MICA: variants seen among roughly 807,000 people sequenced by gnomAD.
MICA encodes the protein HLA class I antigen.
A neutral mutation model predicts 34.3 loss-of-function variants in MICA; 18 were observed. The observed-to-expected ratio is 0.52, with a 90% confidence interval of 0.36 to 0.78. MICA has a LOEUF of 0.78. MICA is among the 30% of genes least tolerant of loss of function. The pLI, the probability that MICA is intolerant of heterozygous loss-of-function variation, is 0.00. For synonymous variants in MICA, 135 were observed against 156.9 expected, an observed-to-expected ratio of 0.86 and a Z score of 1.04; for missense variants, 333 against 409.4, an observed-to-expected ratio of 0.81 and a Z score of 1.61.
At chr6:31,401,654 C>A (rs1770435841), upstream of MICA, among the ~76,000 whole-genome samples, 1 of 98,100 alleles carries the variant, frequency 1.0e-5, no homozygotes, top group African/African-American at 5.1e-5. Context: ...AGCAAGACTC[C>A]TCTCTTAAAA....
At chr6:31,412,557 G>A (rs1771258574) in intron 5 of MICA, 97 bp downstream of exon 5, 3 of 807,866 alleles carry the variant, frequency 3.7e-6, no homozygotes, top group African/African-American at 1.8e-5. Flanking sequence ...TTGGTGACAA[G>A]GCTTCCATAA....
chr6:31,408,807 C>G (rs1405860680), intron 1 of MICA, among the ~76,000 whole-genome samples: 1 of 151,742 alleles, frequency 6.6e-6, no homozygotes, highest in African/African-American at 2.4e-5. Flanking sequence ...AGTTCGAAAC[C>G]AGCCTGGCCA....
chr6:31,404,887 C>T (rs2523450), intron 1 of MICA, among the ~76,000 whole-genome samples: 15,422 of 151,346 alleles, frequency 0.1, 1,191 homozygotes, highest in African/African-American at 0.16. Context: ...GGTGCTGGAC[C>T]ATCCCTCCCT....
At chr6:31,412,564 A>G (rs2853971) in intron 5 of MICA, 104 bp downstream of exon 5, 652,282 of 745,524 alleles carry the variant, frequency 0.87, 286,496 homozygotes, top group East Asian at 0.96. Context: ...CAAGGCTTCC[A>G]TAACAGGGGA....
At chr6:31,409,686 T>C (rs1249230431) in intron 1 of MICA, among the ~76,000 whole-genome samples, 3 of 151,904 alleles carry the variant, frequency 2.0e-5, no homozygotes, top group Non-Finnish European at 4.4e-5. Flanking sequence ...CACTGTCAAA[T>C]CCTATGTCAT....
At chr6:31,401,390 G>A (rs1198048313), upstream of MICA, among the ~76,000 whole-genome samples, 11 of 151,778 alleles carry the variant, frequency 7.2e-5, no homozygotes, top group Non-Finnish European at 1.3e-4. Flanking sequence ...TAGGGATCAT[G>A]GGGGAATAGT....
chr6:31,407,924 C>A (rs879463662), intron 1 of MICA, among the ~76,000 whole-genome samples: 1 of 151,836 alleles, frequency 6.6e-6, no homozygotes, highest in South Asian at 2.1e-4. Context: ...TTGTCTTATT[C>A]CAGATCTTAG....
rs779505758 is a variant in MICA at position 31,411,176 on chromosome 6, A to C, written c.430A>C (p.Asn144His). ...CGATGGGGAGCTCTTCCTCTCCCAA[A>C]ACCTGGAGACTGAGGAATGGACAGT... ...YYDGELFLSQNLETEEWTVPQ... is the reference protein window; with the variant it reads ...YYDGELFLSQHLETEEWTVPQ... The change falls in exon 3 of 6, where the codon AAC becomes CAC. Residue 144 changes from asparagine to histidine, a missense_variant. Asn to His is a moderately conservative substitution (Grantham distance 68). Coordinates refer to ENST00000449934, the MANE Select transcript of MICA (RefSeq NM_001177519.3). The surrounding 1 kb of genome is among the most constrained non-coding windows in gnomAD (Gnocchi z 4.3). 6.2e-7 allele frequency: 1 copy of C among 1,613,318 alleles called. No homozygotes were observed. The highest frequency in any genetic ancestry group is 2.2e-5 in the East Asian group (1 of 44,828).
At position 31,403,737 on chromosome 6, in the gene MICA, G is replaced by A; in HGVS notation, c.70+35G>A. ...GTTCCTGGCGGTCCTCGGCGGAGCGGGAGCAGTGGGACGTTTCCGGGGGTC... is the reference window on the plus strand; with the variant it reads ...GTTCCTGGCGGTCCTCGGCGGAGCGAGAGCAGTGGGACGTTTCCGGGGGTC... On this transcript the variant is annotated intron_variant, in intron 1 of 5. Transcript: ENST00000449934. This position sits in a 1 kb window ranked among gnomAD's most constrained non-coding sequence, Gnocchi z 4.7. 2.0e-6 allele frequency: 3 copies of A among 1,521,608 alleles called. No homozygotes were observed. The highest frequency in any genetic ancestry group is 2.4e-5 in the South Asian group (2 of 82,240). 94.3% of individuals were successfully genotyped at this position (1,521,608 alleles called of 1,614,324 possible).
chr6:31,407,332 G>A (rs1156406739), intron 1 of MICA, among the ~76,000 whole-genome samples: 3 of 151,914 alleles, frequency 2.0e-5, no homozygotes, highest in African/African-American at 7.3e-5. Context: ...CGCCTCCCAG[G>A]TTCAAGCTAT....
chr6:31,403,372 C>G (rs1021606781), upstream of MICA, among the ~76,000 whole-genome samples: 2 of 151,906 alleles, frequency 1.3e-5, no homozygotes, highest in Non-Finnish European at 2.9e-5. This position sits in a 1 kb window ranked among gnomAD's most constrained non-coding sequence, Gnocchi z 4.7. Flanking sequence ...CGAAGCTGGT[C>G]CCTGCTTTAG....
Position 31,403,763 on chromosome 6 carries a change from G to A in MICA, c.70+61G>A. 6.8e-7 allele frequency: 1 copy of A among 1,479,172 alleles called. No homozygotes were observed. The highest frequency in any genetic ancestry group is 9.1e-7 in the Non-Finnish European group (1 of 1,104,856). The allele number at this position is 1,479,172 out of a possible 1,614,324, so 91.6% of individuals were successfully genotyped here. ...GAGCAGTGGGACGTTTCCGGGGGTCGGGTGGGTAGCGGCGAGCGCTGTGCG... is the reference window on the plus strand; with the variant it reads ...GAGCAGTGGGACGTTTCCGGGGGTCAGGTGGGTAGCGGCGAGCGCTGTGCG... On this transcript the variant is annotated intron_variant, in intron 1 of 5. Coordinates refer to ENST00000449934, the MANE Select transcript of MICA (RefSeq NM_001177519.3). This position sits in a 1 kb window ranked among gnomAD's most constrained non-coding sequence, Gnocchi z 4.7.
Position 31,411,422 on chromosome 6 carries a change from A to C in MICA, c.613+63A>C. On this transcript the variant is annotated intron_variant, in intron 3 of 5. Transcript: ENST00000449934. This position sits in a 1 kb window ranked among gnomAD's most constrained non-coding sequence, Gnocchi z 4.3. Reference sequence around the variant, plus strand: ...TTCTGCTAGAGTTGCCTCACCTCCCAGATGTGTCCAGGGAAACCCTCCCTG... The same window carrying C: ...TTCTGCTAGAGTTGCCTCACCTCCCCGATGTGTCCAGGGAAACCCTCCCTG... The C allele has an allele frequency of 6.9e-7, 1 of 1,454,396 alleles. No individual in the cohort carries two copies. The highest frequency in any genetic ancestry group is 9.2e-7 in the Non-Finnish European group (1 of 1,084,622). The allele number at this position is 1,454,396 out of a possible 1,614,324, so 90.1% of individuals were successfully genotyped here.
chr6:31,403,691 G>A lies in MICA; in HGVS notation c.59G>A (p.Gly20Glu), dbSNP rs1375636044. ...LAGIFPFAPP[G>E]AAAEPHSLRY... The stretch of plus-strand genomic sequence containing the variant: ...GGCATCTTCCCTTTTGCACCTCCGG[G>A]AGCTGCTGCTGGTGAGTGGCGTTCC... The change falls in exon 1 of 6, where the codon GGA becomes GAA. Residue 20 changes from glycine to glutamate, a missense_variant. Gly to Glu is a moderately conservative substitution (Grantham distance 98). Transcript: ENST00000449934. This position sits in a 1 kb window ranked among gnomAD's most constrained non-coding sequence, Gnocchi z 4.7. The A allele has an allele frequency of 5.2e-6, 8 of 1,533,784 alleles. No homozygotes were observed. The highest frequency in any genetic ancestry group is 6.1e-6 in the Non-Finnish European group (7 of 1,141,070).
intron 2 of MICA, 126 bp from the exon 3 acceptor site, chr6:31,410,946 G>A (rs1446176452): frequency 2.9e-5 from 42 of 1,467,390 alleles, no homozygotes; most frequent in South Asian, 5.7e-5. Context: ...GAGGTGAGCC[G>A]GCACTCAGCC....
chr6:31,414,798 G>C (rs1771417414), intron 5 of MICA, among the ~76,000 whole-genome samples: 1 of 151,902 alleles, frequency 6.6e-6, no homozygotes, highest in South Asian at 2.1e-4. Flanking sequence ...TGAGTGGTGG[G>C]CACAGGGCAC....
chr6:31,414,942 A>G (rs777045515), intron 5 of MICA, 70 bp from the exon 6 acceptor site: 13 of 1,294,042 alleles, frequency 1.0e-5, no homozygotes, highest in Admixed American at 4.0e-5. Context: ...CTGAAGAGAG[A>G]AAAGTCCCCA....
At chr6:31,413,245 G>A (rs1353599610) in intron 5 of MICA, among the ~76,000 whole-genome samples, 1 of 151,898 alleles carries the variant, frequency 6.6e-6, no homozygotes, top group Non-Finnish European at 1.5e-5. Context: ...GAGGAGTGGG[G>A]CCCAGCCCCT....
chr6:31,407,488 G>A (rs1026403103), intron 1 of MICA, among the ~76,000 whole-genome samples: 13 of 151,862 alleles, frequency 8.6e-5, no homozygotes, highest in African/African-American at 2.2e-4. Flanking sequence ...CACCTGCCTC[G>A]GCCTCCCAAA....
Sources: allele counts gnomAD v4.1 joint callset (sites outside exome capture counted in the v4.1 genomes callset), GRCh38; gene constraint gnomAD v4.1.1; non-coding constraint Gnocchi (gnomAD v3.1); transcripts MANE v1.5; gene names NCBI Gene and HGNC (gene_info 2026-07-23, HGNC 2026-07-21).